SDK1: variants seen among roughly 807,000 people sequenced by gnomAD.
SDK1 encodes sidekick cell adhesion molecule 1, also known as protein sidekick-1.
In SDK1, 157 loss-of-function variants were observed where a neutral mutation model predicts 245.5. The observed-to-expected ratio is 0.64, with a 90% CI of 0.56 to 0.73. The LOEUF (loss-of-function observed/expected upper bound fraction) is 0.73, where lower values mean the gene tolerates loss of function less well. Ranked by LOEUF, SDK1 falls within the 30% of genes least tolerant of loss-of-function variation. The pLI is 0.00. For synonymous variants in SDK1, 1,647 were observed against 1,278.5 expected (o/e 1.29, Z -6.15); for missense variants, 3,583 against 3,002.3 (o/e 1.19, Z -4.52).
At chr7:3,389,732 T>A (rs1781699253) in intron 1 of SDK1, among the ~76,000 whole-genome samples, 1 of 143,984 alleles carries the variant, frequency 6.9e-6, no homozygotes, top group Non-Finnish European at 1.5e-5. Context: ...GCCACTGCAC[T>A]CCACAGCCTG....
chr7:3,881,778 T>A (rs538607131), intron 5 of SDK1, among the ~76,000 whole-genome samples: 5 of 152,340 alleles, frequency 3.3e-5, no homozygotes, highest in African/African-American at 1.2e-4. Flanking sequence ...GAATGGTTCC[T>A]ATAAATGGTT....
At chr7:4,080,204 G>A (rs993675860) in intron 22 of SDK1, among the ~76,000 whole-genome samples, 3 of 152,084 alleles carry the variant, frequency 2.0e-5, no homozygotes, top group Non-Finnish European at 2.9e-5. Context: ...GAGAGCTGGG[G>A]GCGGGTTCCA....
chr7:4,039,920 G>A lies in SDK1; in HGVS notation c.2603-9428G>A, dbSNP rs529885615. On this transcript the variant is annotated intron_variant, in intron 17 of 44. Transcript: ENST00000404826. ...ATAATAATTATAAACATAATCATAC[G>A]TTTTACTTAGTCACATAGGTAAAAA... Among the ~76,000 whole-genome samples, 8 of 152,170 alleles carry A rather than the reference G, an allele frequency of 5.3e-5. No individual in the cohort carries two copies. In the East Asian group the frequency reaches 7.7e-4, roughly 15 times the overall value.
chr7:4,026,848 C>G lies in SDK1; in HGVS notation c.2602+9496C>G, dbSNP rs78754534. Among the ~76,000 whole-genome samples the G allele has an allele frequency of 0.016, 2,496 of 152,292 alleles. 67 individuals carry two copies. Among genetic ancestry groups the G allele is most frequent in the African/African-American group, 0.057 (2,370 of 41,550 alleles). On this transcript the variant is annotated intron_variant, in intron 17 of 44. Coordinates refer to ENST00000404826, the MANE Select transcript of SDK1 (RefSeq NM_152744.4). The surrounding 1 kb of genome is among the most constrained non-coding windows in gnomAD (Gnocchi z 4.1). Reference sequence around the variant, plus strand: ...ACAAACGGCAATATGTACACCCACCCAGCGGTGTGCGGCCGGTGACTCTAC... The same window carrying G: ...ACAAACGGCAATATGTACACCCACCGAGCGGTGTGCGGCCGGTGACTCTAC...
chr7:3,701,546 C>T (rs953729092), intron 4 of SDK1, among the ~76,000 whole-genome samples: 11 of 152,112 alleles, frequency 7.2e-5, no homozygotes, highest in Admixed American at 2.6e-4. Context: ...TTGTAGTGAG[C>T]TATGATCGTG....
At chr7:4,242,815 T>C (rs944735109) in intron 43 of SDK1, among the ~76,000 whole-genome samples, 1 of 152,158 alleles carries the variant, frequency 6.6e-6, no homozygotes, top group Admixed American at 6.5e-5. Flanking sequence ...GCCAGCAGTG[T>C]TTGGAGATTC....
intron 22 of SDK1, among the ~76,000 whole-genome samples, chr7:4,098,824 C>CCTTTTTT (rs1782338896): frequency 1.2e-5 from 1 of 82,852 alleles, no homozygotes; most frequent in African/African-American, 6.9e-5. Flanking sequence ...CCACAATGCC[C>CCTTTTTT]TTTTTTTTTT....
At chr7:3,653,835 G>T (rs1441771506) in intron 4 of SDK1, among the ~76,000 whole-genome samples, 1 of 152,136 alleles carries the variant, frequency 6.6e-6, no homozygotes, top group African/African-American at 2.4e-5. Flanking sequence ...CTCACCTAGT[G>T]GGTTTCTGCT....
At chr7:4,101,607 G>T (rs1782551397) in intron 22 of SDK1, among the ~76,000 whole-genome samples, 5 of 152,216 alleles carry the variant, frequency 3.3e-5, no homozygotes, top group Admixed American at 3.3e-4. Flanking sequence ...GACAGAAGGA[G>T]CACTGACCCT....
intron 4 of SDK1, among the ~76,000 whole-genome samples, chr7:3,727,045 T>G (rs1424607520): frequency 6.6e-6 from 1 of 152,224 alleles, no homozygotes; most frequent in East Asian, 1.9e-4. Context: ...GTCTTGGGAA[T>G]GTGCATTGCA....
At chr7:3,824,943 C>G (rs1779734323) in intron 5 of SDK1, among the ~76,000 whole-genome samples, 1 of 152,110 alleles carries the variant, frequency 6.6e-6, no homozygotes, top group Non-Finnish European at 1.5e-5. Flanking sequence ...ACCGATATTC[C>G]TGTAGGGAAG....
intron 2 of SDK1, among the ~76,000 whole-genome samples, chr7:3,622,665 A>G (rs1428080587): frequency 6.6e-6 from 1 of 152,220 alleles, no homozygotes; most frequent in Non-Finnish European, 1.5e-5. Flanking sequence ...GTTCATTGGA[A>G]ACACAAGAAG....
chr7:4,248,083 C>A (rs1028261638), intron 44 of SDK1, among the ~76,000 whole-genome samples: 3 of 152,156 alleles, frequency 2.0e-5, no homozygotes, highest in Non-Finnish European at 4.4e-5. Flanking sequence ...GATTTAACAT[C>A]GGCAAATGTT....
intron 43 of SDK1, 24 bp downstream of exon 43, chr7:4,241,937 G>A (rs370566773): frequency 1.9e-5 from 31 of 1,609,088 alleles, no homozygotes; most frequent in Middle Eastern, 1.7e-4. Flanking sequence ...GCTGTGCTGC[G>A]CCCACCTGGG....
At chr7:3,589,296 G>A (rs1423488858) in intron 1 of SDK1, among the ~76,000 whole-genome samples, 3 of 152,174 alleles carry the variant, frequency 2.0e-5, no homozygotes, top group South Asian at 2.1e-4. Flanking sequence ...CACAGTTGGC[G>A]TGGGCCTGTT....
chr7:3,965,961 G>T (rs1782051724), intron 9 of SDK1, among the ~76,000 whole-genome samples: 1 of 151,938 alleles, frequency 6.6e-6, no homozygotes, highest in Admixed American at 6.5e-5. Flanking sequence ...GACAAGCAGG[G>T]TGGCCATGAC....
chr7:3,498,587 C>T (rs1337356128), intron 1 of SDK1, among the ~76,000 whole-genome samples: 1 of 152,130 alleles, frequency 6.6e-6, no homozygotes, highest in African/African-American at 2.4e-5. Context: ...GCTATTACTT[C>T]TTCCTTTCTT....
rs189292863 is a variant in SDK1 at position 3,536,225 on chromosome 7, T to A, written c.299-82855T>A. On this transcript the variant is annotated intron_variant, in intron 1 of 44. Coordinates refer to ENST00000404826, the MANE Select transcript of SDK1 (RefSeq NM_152744.4). ...GCGCCCGCCACCACACCCAGCTAAT[T>A]TTTTTTTTGTGTGTGTGTTTTTACT... 3.7e-3 allele frequency among the ~76,000 whole-genome samples: 507 copies of A among 138,630 alleles called. 6 individuals carry two copies. Among genetic ancestry groups the A allele is most frequent in the African/African-American group, 0.012 (465 of 38,154 alleles). The allele number at this position is 138,630 out of a possible 152,430, so 90.9% of individuals were successfully genotyped here.
At chr7:3,714,713 G>T (rs1785150671) in intron 4 of SDK1, among the ~76,000 whole-genome samples, 1 of 152,170 alleles carries the variant, frequency 6.6e-6, no homozygotes, top group South Asian at 2.1e-4. Context: ...TCTCAAAAGT[G>T]CTTCTAAAAC....
Sources: allele counts gnomAD v4.1 joint callset (sites outside exome capture counted in the v4.1 genomes callset), GRCh38; gene constraint gnomAD v4.1.1; non-coding constraint Gnocchi (gnomAD v3.1); transcripts MANE v1.5; gene names NCBI Gene and HGNC (gene_info 2026-07-23, HGNC 2026-07-21).